CDH12: variants seen among roughly 807,000 people sequenced by gnomAD.
CDH12 encodes the protein cadherin 12, also known as cadherin-12.
CDH12 carries 41 observed loss-of-function variants against 74.1 expected under a neutral mutation model. The observed-to-expected ratio is 0.55, with a 90% CI of 0.43 to 0.72. The LOEUF (loss-of-function observed/expected upper bound fraction) is 0.72, where lower values mean the gene tolerates loss of function less well. CDH12 is among the 30% of genes least tolerant of loss of function. CDH12 has a pLI of 0.00. For missense variants in CDH12, 945 were observed against 977.2 expected (o/e 0.97, Z 0.44); for synonymous variants, 399 against 355.0 (o/e 1.12, Z -1.39).
intron 2 of CDH12, among the ~76,000 whole-genome samples, chr5:22,443,233 C>G (rs956732419): frequency 6.6e-6 from 1 of 152,056 alleles, no homozygotes; most frequent in Non-Finnish European, 1.5e-5. Context: ...TACTCCTAGA[C>G]TTTTAATTAA....
intron 1 of CDH12, among the ~76,000 whole-genome samples, chr5:22,670,520 C>T (rs1023018893): frequency 1.3e-4 from 20 of 151,892 alleles, no homozygotes; most frequent in Admixed American, 2.6e-4. Flanking sequence ...TTATAATGTG[C>T]CATTTAAAAA....
In CDH12 at chr5:22,250,019, TA is replaced by T. The variant is rs796419919; in HGVS notation, c.-332-37377del. 2.6e-4 allele frequency among the ~76,000 whole-genome samples: 38 copies of T among 148,974 alleles called. No homozygotes were observed. In the South Asian group the frequency reaches 4.0e-3, roughly 16 times the overall value. On this transcript the variant is annotated intron_variant, in intron 3 of 14. Coordinates refer to ENST00000382254, the MANE Select transcript of CDH12 (RefSeq NM_004061.5). The stretch of plus-strand genomic sequence containing the variant: ...CCTTAAACAAAGTCCGTCATCCAAT[TA>T]AAAAAAAAATGTAGGCTGGTGGGGA...
At chr5:22,478,740 G>A (rs768166238) in intron 2 of CDH12, among the ~76,000 whole-genome samples, 53 of 151,608 alleles carry the variant, frequency 3.5e-4, no homozygotes, top group Non-Finnish European at 5.7e-4. Context: ...ATTTAAAATC[G>A]CAAAGTGCTT....
chr5:22,587,372 A>C (rs564108018), intron 1 of CDH12, among the ~76,000 whole-genome samples: 24 of 152,278 alleles, frequency 1.6e-4, no homozygotes, highest in Middle Eastern at 3.4e-3. Context: ...ATAATTACCT[A>C]GTCTCTGGAG....
intron 6 of CDH12, chr5:21,882,599 C>G (rs541720530): frequency 3.1e-6 from 5 of 1,598,092 alleles, no homozygotes; most frequent in Non-Finnish European, 4.3e-6. Flanking sequence ...GCTTCGGTTA[C>G]CCACAGTCTT....
chr5:21,923,957 A>C (rs1189057550), intron 6 of CDH12, among the ~76,000 whole-genome samples: 1 of 152,192 alleles, frequency 6.6e-6, no homozygotes, highest in Non-Finnish European at 1.5e-5. Context: ...TATTGGATGC[A>C]TACTGTCTTC....
chr5:21,831,051 C>T (rs962281947), intron 8 of CDH12, among the ~76,000 whole-genome samples: 2 of 124,268 alleles, frequency 1.6e-5, no homozygotes, highest in Non-Finnish European at 3.2e-5. Context: ...AAAAAGAAAA[C>T]AAAAACAAAA....
At chr5:22,352,382 A>G (rs1253559366) in intron 3 of CDH12, among the ~76,000 whole-genome samples, 1 of 152,136 alleles carries the variant, frequency 6.6e-6, no homozygotes, top group African/African-American at 2.4e-5. Context: ...CAGTGATAAT[A>G]AAAATTGCGA....
chr5:21,883,127 CA>C, intron 6 of CDH12: 1 of 1,572,260 alleles, frequency 6.4e-7, no homozygotes, highest in South Asian at 1.1e-5. Context: ...CAAATGGAGA[CA>C]AAGAAATTGG....
intron 1 of CDH12, among the ~76,000 whole-genome samples, chr5:22,699,461 A>G (rs1742594145): frequency 6.6e-6 from 1 of 152,188 alleles, no homozygotes; most frequent in Non-Finnish European, 1.5e-5. Flanking sequence ...AAAGCTCTAA[A>G]TTATACGTGA....
intron 1 of CDH12, among the ~76,000 whole-genome samples, chr5:22,702,209 G>C (rs1742748839): frequency 6.6e-6 from 1 of 152,030 alleles, no homozygotes; most frequent in Non-Finnish European, 1.5e-5. Context: ...TATTATACTA[G>C]TCATTCATTC....
intron 4 of CDH12, among the ~76,000 whole-genome samples, chr5:22,117,490 TATATATATATAATATATATATA>T (rs1745222060): frequency 2.9e-5 from 2 of 69,036 alleles, no homozygotes; most frequent in African/African-American, 6.4e-5. Flanking sequence ...ATATATATAT[TATATATATATAATATATATATA>T]ATATATATAT....
chr5:22,352,068 A>T (rs1740376064), intron 3 of CDH12, among the ~76,000 whole-genome samples: 1 of 151,684 alleles, frequency 6.6e-6, no homozygotes, highest in South Asian at 2.1e-4. Context: ...AATCAAAATT[A>T]TTACAATATT....
Position 22,138,866 on chromosome 5 carries a change from A to ATATATATATATATC in CDH12, c.-186-60005_-186-60004insGATATATATATATA, listed in dbSNP as rs1746621397. 2.9e-5 allele frequency among the ~76,000 whole-genome samples: 4 copies of ATATATATATATATC among 135,958 alleles called. No individual in the cohort carries two copies. The Admixed American group carries it at 3.0e-4, about 10-fold the overall frequency. The allele number at this position is 135,958 out of a possible 152,430, so 89.2% of individuals were successfully genotyped here. A position where few individuals can be genotyped will look rare whatever the true frequency, so the allele number is the denominator to read the frequency against. Reference sequence around the variant, plus strand: ...ACGTAATATATATATATATATATATATATATATATACATGTTGGACTCATC... The same window carrying ATATATATATATATC: ...ACGTAATATATATATATATATATATATATATATATATATCTATATATATACATGTTGGACTCATC... On this transcript the variant is annotated intron_variant, in intron 4 of 14. Coordinates refer to ENST00000382254, the MANE Select transcript of CDH12 (RefSeq NM_004061.5).
chr5:22,255,962 T>C (rs916045662), intron 3 of CDH12, among the ~76,000 whole-genome samples: 4 of 152,032 alleles, frequency 2.6e-5, no homozygotes, highest in African/African-American at 9.7e-5. Context: ...CTTTATTCTA[T>C]TTTGCAGTAT....
At chr5:22,791,248 G>T (rs1214237809) in intron 1 of CDH12, among the ~76,000 whole-genome samples, 17 of 152,116 alleles carry the variant, frequency 1.1e-4, no homozygotes, top group Non-Finnish European at 1.3e-4. Context: ...AGCAGGAAGG[G>T]TATAAGAGCA....
chr5:22,695,544 T>A (rs567024247), intron 1 of CDH12, among the ~76,000 whole-genome samples: 49 of 152,324 alleles, frequency 3.2e-4, no homozygotes, highest in Middle Eastern at 3.4e-3. Context: ...TAAATGGTGC[T>A]GGGAAAACCG....
At chr5:22,077,223 ACT>A (rs1388642239) in intron 5 of CDH12, among the ~76,000 whole-genome samples, 7 of 151,910 alleles carry the variant, frequency 4.6e-5, no homozygotes, top group Admixed American at 2.6e-4. Flanking sequence ...CTTAGTGGAA[ACT>A]CTGGTTATAT....
At chr5:22,552,706 T>C (rs1173465510) in intron 1 of CDH12, among the ~76,000 whole-genome samples, 3 of 152,078 alleles carry the variant, frequency 2.0e-5, no homozygotes, top group Non-Finnish European at 4.4e-5. Context: ...GGATTACAGG[T>C]GTGAGACACC....
Sources: allele counts gnomAD v4.1 joint callset (sites outside exome capture counted in the v4.1 genomes callset), GRCh38; gene constraint gnomAD v4.1.1; transcripts MANE v1.5; gene names NCBI Gene and HGNC (gene_info 2026-07-23, HGNC 2026-07-21).